The following PCDHGB6 variants were observed in gnomAD, a reference collection of about 807,000 sequenced individuals.
PCDHGB6 encodes the protein protocadherin gamma-B6.
In PCDHGB6, 51 loss-of-function variants were observed where a neutral mutation model predicts 59.1. That is an observed-to-expected ratio of 0.86 (90% confidence interval 0.69 to 1.09). The LOEUF is 1.09. Among genes scored for constraint, PCDHGB6 ranks in the 50% least tolerant of loss-of-function variants. The pLI, the probability that PCDHGB6 is intolerant of heterozygous loss-of-function variation, is 0.00. For missense variants in PCDHGB6, 1,148 were observed against 1,205.1 expected, an observed-to-expected ratio of 0.95 and a Z score of 0.70; for synonymous variants, 466 against 495.1, an observed-to-expected ratio of 0.94 and a Z score of 0.78.
intron 2 of PCDHGB6, among the ~76,000 whole-genome samples, chr5:141,496,125 T>C (rs1318749514): frequency 6.8e-6 from 1 of 146,032 alleles, no homozygotes; most frequent in Non-Finnish European, 1.5e-5. Context: ...TCCCTGCCCC[T>C]CACACACTGA....
chr5:141,418,081 C>T lies in PCDHGB6; in HGVS notation c.2418+7461C>T, dbSNP rs190197904. On this transcript the variant is annotated intron_variant, in intron 1 of 3. Transcript: ENST00000520790. Reference sequence around the variant, plus strand: ...TGCGAGTGAGCGCGGAGAAGCTGCACTTCAGCGTAGACGCGCAGAGCGGGG... The same window carrying T: ...TGCGAGTGAGCGCGGAGAAGCTGCATTTCAGCGTAGACGCGCAGAGCGGGG... 331 of 1,614,072 alleles carry T rather than the reference C, an allele frequency of 2.1e-4. 3 individuals are homozygous for T. The African/African-American group carries it at 4.0e-3, about 19-fold the overall frequency.
chr5:141,450,815 ATAT>A (rs1420984335), intron 1 of PCDHGB6, among the ~76,000 whole-genome samples: 6 of 126,742 alleles, frequency 4.7e-5, no homozygotes, highest in South Asian at 2.4e-4. Flanking sequence ...TATTTATTTA[ATAT>A]TATTATTATT....
chr5:141,419,175 C>A lies in PCDHGB6; in HGVS notation c.2418+8555C>A, dbSNP rs185228661. On this transcript the variant is annotated intron_variant, in intron 1 of 3. Transcript: ENST00000520790. Reference sequence around the variant, plus strand: ...CCGTTATCCTCCAGCAAAACCATAACCCTGCACATTACTGACGTCAATGAC... The same window carrying A: ...CCGTTATCCTCCAGCAAAACCATAAACCTGCACATTACTGACGTCAATGAC... The A allele has an allele frequency of 5.2e-4, 837 of 1,613,966 alleles. 3 individuals carry two copies. Among genetic ancestry groups the A allele is most frequent in the Non-Finnish European group, 9.3e-5 (110 of 1,179,894 alleles).
At position 141,476,456 on chromosome 5, in the gene PCDHGB6, A is replaced by C; in HGVS notation, c.2419-18351A>C. The C allele has an allele frequency of 6.2e-7, 1 of 1,614,058 alleles. No homozygotes were observed. Among genetic ancestry groups the C allele is most frequent in the Non-Finnish European group, 8.5e-7 (1 of 1,180,010 alleles). On this transcript the variant is annotated intron_variant, in intron 1 of 3. Transcript: ENST00000520790. The surrounding 1 kb of genome is among the most constrained non-coding windows in gnomAD (Gnocchi z 7.6). ...TGTAACTCTGGAGTTGGTAGTGGAGAACCCGCTGGAGCTGTTCAGCGTGGA... is the reference window on the plus strand; with the variant it reads ...TGTAACTCTGGAGTTGGTAGTGGAGCACCCGCTGGAGCTGTTCAGCGTGGA...
intron 1 of PCDHGB6, among the ~76,000 whole-genome samples, chr5:141,442,609 TA>T (rs1238913928): frequency 6.6e-6 from 1 of 152,112 alleles, no homozygotes; most frequent in African/African-American, 2.4e-5. Flanking sequence ...GAGATCTCAG[TA>T]AAAAGCATTT....
chr5:141,427,146 A>G (rs901147622), intron 1 of PCDHGB6: 10 of 456,872 alleles, frequency 2.2e-5, no homozygotes, highest in Admixed American at 7.0e-5. Context: ...TGATATTGGA[A>G]ATATGTTTGT....
chr5:141,482,505 C>T (rs1183998287), intron 1 of PCDHGB6, among the ~76,000 whole-genome samples: 1 of 122,986 alleles, frequency 8.1e-6, no homozygotes, highest in African/African-American at 3.4e-5. Context: ...TTCTGGTACC[C>T]AGAGTACAGT....
chr5:141,495,529 C>T (rs1466269939), intron 2 of PCDHGB6, among the ~76,000 whole-genome samples: 1 of 152,210 alleles, frequency 6.6e-6, no homozygotes, highest in African/African-American at 2.4e-5. Flanking sequence ...ACCTCTCAGT[C>T]CTTCCCTCAG....
chr5:141,481,475 C>T (rs1423011632), intron 1 of PCDHGB6, among the ~76,000 whole-genome samples: 1 of 152,200 alleles, frequency 6.6e-6, no homozygotes, highest in Non-Finnish European at 1.5e-5. Context: ...TTGGATTATA[C>T]ACTTTAAATA....
At position 141,489,437 on chromosome 5, in the gene PCDHGB6, T is replaced by C; in HGVS notation, c.2419-5370T>C. The C allele has an allele frequency of 6.2e-7, 1 of 1,614,110 alleles. No individual in the cohort carries two copies. Among genetic ancestry groups the C allele is most frequent in the Non-Finnish European group, 8.5e-7 (1 of 1,180,020 alleles). ...GATCTGTTGAGCCGGCGGCTGCAATTGGGCTCTGAGGAGAATGGGCGCTAT... is the reference window on the plus strand; with the variant it reads ...GATCTGTTGAGCCGGCGGCTGCAATCGGGCTCTGAGGAGAATGGGCGCTAT... On this transcript the variant is annotated intron_variant, in intron 1 of 3. Transcript: ENST00000520790. This position sits in a 1 kb window ranked among gnomAD's most constrained non-coding sequence, Gnocchi z 4.5.
At chr5:141,433,343 G>A (rs1591274674) in intron 1 of PCDHGB6, 1 of 630,308 alleles carries the variant, frequency 1.6e-6, no homozygotes, top group Admixed American at 3.0e-5. Flanking sequence ...ACAGGTGCAA[G>A]CCACCTACTG....
chr5:141,416,441 T>C (rs2096024396), intron 1 of PCDHGB6: 1 of 152,162 alleles, frequency 6.6e-6, no homozygotes, highest in Non-Finnish European at 1.5e-5. Flanking sequence ...TGAAAGTAAA[T>C]ATGGGTTGGG....
rs561499055 is a variant in PCDHGB6 at position 141,423,745 on chromosome 5, C to G, written c.2418+13125C>G. 10 of 605,688 alleles carry G rather than the reference C, an allele frequency of 1.7e-5. No individual in the cohort carries two copies. The East Asian group carries it at 3.1e-4, about 19-fold the overall frequency. The allele number at this position is 605,688 out of a possible 1,614,324, so 37.5% of individuals were successfully genotyped here. A position where few individuals can be genotyped will look rare whatever the true frequency, so the allele number is the denominator to read the frequency against. The stretch of plus-strand genomic sequence containing the variant: ...ATGTTTTTTGAGCCTGTTATGAAAA[C>G]TGTTTGGGGGGGGGGTGGGGCGGCA... On this transcript the variant is annotated intron_variant, in intron 1 of 3. Coordinates refer to ENST00000520790, the MANE Select transcript of PCDHGB6 (RefSeq NM_018926.3).
At chr5:141,427,840 A>C (rs779622800) in intron 1 of PCDHGB6, 8 of 1,548,180 alleles carry the variant, frequency 5.2e-6, no homozygotes, top group Admixed American at 3.3e-5. Flanking sequence ...CGTGCCTTCG[A>C]CCACGAGCAG....
At chr5:141,449,212 GT>G (rs1405401595) in intron 1 of PCDHGB6, among the ~76,000 whole-genome samples, 1 of 152,134 alleles carries the variant, frequency 6.6e-6, no homozygotes, top group African/African-American at 2.4e-5. Context: ...CTAACTTTCT[GT>G]TTTGAAATGA....
intron 1 of PCDHGB6, chr5:141,428,122 G>A: frequency 6.2e-7 from 1 of 1,606,172 alleles, no homozygotes; most frequent in Non-Finnish European, 8.5e-7. Context: ...ATCGAGCCCG[G>A]GCTTTTCAGC....
rs1212381177 is a variant in PCDHGB6 at position 141,438,571 on chromosome 5, TATACATAC to T, written c.2418+27967_2418+27974del. On this transcript the variant is annotated intron_variant, in intron 1 of 3. Coordinates refer to ENST00000520790, the MANE Select transcript of PCDHGB6 (RefSeq NM_018926.3). Reference sequence around the variant, plus strand: ...GCCCTAATAAGAGGCAGCTGTCTGATATACATACATACATACATACATATATATATATA... The same window carrying T: ...GCCCTAATAAGAGGCAGCTGTCTGATATACATACATACATATATATATATA... Among the ~76,000 whole-genome samples the T allele has an allele frequency of 2.8e-4, 26 of 94,536 alleles. 1 individual carries two copies. Among genetic ancestry groups the T allele is most frequent in the South Asian group, 1.0e-3 (3 of 2,950 alleles). 62.0% of individuals were successfully genotyped at this position (94,536 alleles called of 152,430 possible). A position where few individuals can be genotyped will look rare whatever the true frequency, so the allele number is the denominator to read the frequency against.
At position 141,490,874 on chromosome 5, in the gene PCDHGB6, A is replaced by T. The variant is rs368927472; in HGVS notation, c.2419-3933A>T. 2 of 1,613,948 alleles carry T rather than the reference A, an allele frequency of 1.2e-6. No homozygotes were observed. Among genetic ancestry groups the T allele is most frequent in the Non-Finnish European group, 1.7e-6 (2 of 1,179,952 alleles). On this transcript the variant is annotated intron_variant, in intron 1 of 3. Transcript: ENST00000520790. The surrounding 1 kb of genome is among the most constrained non-coding windows in gnomAD (Gnocchi z 5.4). The stretch of plus-strand genomic sequence containing the variant: ...CGAGACTCCGGCTCTCCCCCATTGC[A>T]TGCCAACACATCTCTGCATGTGTTT...
intron 2 of PCDHGB6, among the ~76,000 whole-genome samples, chr5:141,505,092 G>A (rs965653546): frequency 5.9e-5 from 9 of 152,170 alleles, no homozygotes; most frequent in African/African-American, 2.2e-4. Flanking sequence ...AACCCAGGAG[G>A]TGGATGTTGC....
Sources: allele counts gnomAD v4.1 joint callset (sites outside exome capture counted in the v4.1 genomes callset), GRCh38; gene constraint gnomAD v4.1.1; non-coding constraint Gnocchi (gnomAD v3.1); transcripts MANE v1.5; gene names NCBI Gene and HGNC (gene_info 2026-07-23, HGNC 2026-07-21).